The following RFTN1 variants were observed in gnomAD, a reference collection of about 807,000 sequenced individuals.
RFTN1 encodes the protein raftlin, lipid raft linker 1.
In RFTN1, 26 loss-of-function variants were observed where a neutral mutation model predicts 46.5. The ratio of observed to expected loss-of-function variants is 0.56; its 90% CI spans 0.41 to 0.78. The LOEUF is 0.78. Ranked by LOEUF, RFTN1 falls within the 30% of genes least tolerant of loss-of-function variation. The pLI, the probability that RFTN1 is intolerant of heterozygous loss-of-function variation, is 0.00. For missense variants in RFTN1, 693 were observed against 718.7 expected (o/e 0.96, Z 0.41); for synonymous variants, 261 against 284.2 (o/e 0.92, Z 0.82).
In RFTN1 at chr3:16,507,590, G is replaced by C. The variant is rs973188862; in HGVS notation, c.-9+5852C>G. Among the ~76,000 whole-genome samples the C allele has an allele frequency of 5.0e-5, 7 of 141,064 alleles. No homozygotes were observed. The highest frequency in any genetic ancestry group is 1.1e-4 in the Non-Finnish European group (7 of 66,584). 92.5% of individuals were successfully genotyped at this position (141,064 alleles called of 152,430 possible). A position where few individuals can be genotyped will look rare whatever the true frequency, so the allele number is the denominator to read the frequency against. ...GACAAAGGGTAAAAGGCAAAGTAGG[G>C]AGTTTCAAAACACACACACACACAC... On this transcript the variant is annotated intron_variant, in intron 1 of 9. Transcript: ENST00000334133. This position sits in a 1 kb window ranked among gnomAD's most constrained non-coding sequence, Gnocchi z 7.1.
rs550701408 is a variant in RFTN1 at position 16,368,117 on chromosome 3, G to C, written c.1030+1959C>G. Among the ~76,000 whole-genome samples, 14 of 151,116 alleles carry C rather than the reference G, an allele frequency of 9.3e-5. No individual in the cohort carries two copies. The South Asian group carries it at 2.4e-3, about 25-fold the overall frequency. ...GCCACAACCCAAGATGGGCAATGTGGTGTCCCTGCAGGAAACAGGGAGCCA... is the reference window on the plus strand; with the variant it reads ...GCCACAACCCAAGATGGGCAATGTGCTGTCCCTGCAGGAAACAGGGAGCCA... On this transcript the variant is annotated intron_variant, in intron 6 of 9. Transcript: ENST00000334133.
chr3:16,357,157 A>C (rs9848805), intron 7 of RFTN1, among the ~76,000 whole-genome samples: 29 of 147,224 alleles, frequency 2.0e-4, no homozygotes, highest in African/African-American at 4.8e-4. Context: ...AACAAACAAA[A>C]AAAACCAAGA....
At position 16,321,171 on chromosome 3, in the gene RFTN1, G is replaced by A. The variant is rs1219807821; in HGVS notation, c.1332+2205C>T. Among the ~76,000 whole-genome samples the A allele has an allele frequency of 6.6e-6, 1 of 152,186 alleles. No individual in the cohort carries two copies. The highest frequency in any genetic ancestry group is 2.4e-5 in the African/African-American group (1 of 41,434). On this transcript the variant is annotated intron_variant, in intron 9 of 9. Coordinates refer to ENST00000334133, the MANE Select transcript of RFTN1 (RefSeq NM_015150.2). The surrounding 1 kb of genome is among the most constrained non-coding windows in gnomAD (Gnocchi z 4.8). ...GTTGGCCAGGTGGGCGAGGTATGGG[G>A]AGGGGGACAGTCATAGGTTTCCTCG... is the stretch of plus-strand genomic sequence containing the variant.
intron 4 of RFTN1, among the ~76,000 whole-genome samples, chr3:16,399,562 T>C (rs369954177): frequency 1.2e-4 from 19 of 152,312 alleles, no homozygotes; most frequent in African/African-American, 4.3e-4. Context: ...CACACTGACC[T>C]CTCTGGCTAC....
At chr3:16,493,697 C>A in intron 2 of RFTN1, 28 bp downstream of exon 2, 1 of 1,603,244 alleles carries the variant, frequency 6.2e-7, no homozygotes, top group Middle Eastern at 1.7e-4. Context: ...CCCACCTGCC[C>A]CCATCCATTC....
At chr3:16,360,321 G>T (rs1443520207) in intron 6 of RFTN1, among the ~76,000 whole-genome samples, 1 of 152,056 alleles carries the variant, frequency 6.6e-6, no homozygotes, top group Admixed American at 6.5e-5. Flanking sequence ...ACAGGCACAT[G>T]CCACCACCCC....
rs148612893 is a variant in RFTN1 at position 16,320,994 on chromosome 3, G to A, written c.1332+2382C>T. ...ATTAGGAGATTAGAATAGCTGAGGC[G>A]AGTGATGGTAGAGAGAAGTGGAGGG... is the stretch of plus-strand genomic sequence containing the variant. On this transcript the variant is annotated intron_variant, in intron 9 of 9. Coordinates refer to ENST00000334133, the MANE Select transcript of RFTN1 (RefSeq NM_015150.2). The surrounding 1 kb of genome is among the most constrained non-coding windows in gnomAD (Gnocchi z 4.5). Among the ~76,000 whole-genome samples the A allele has an allele frequency of 2.4e-4, 36 of 152,348 alleles. 1 individual carries two copies. In the South Asian group the frequency reaches 2.7e-3, roughly 11 times the overall value.
chr3:16,353,818 G>C lies in RFTN1; in HGVS notation c.1146+4114C>G, dbSNP rs527692965. On this transcript the variant is annotated intron_variant, in intron 7 of 9. Coordinates refer to ENST00000334133, the MANE Select transcript of RFTN1 (RefSeq NM_015150.2). The surrounding 1 kb of genome is among the most constrained non-coding windows in gnomAD (Gnocchi z 5.4). ...GAGAAGGAAGCCATCTGCAAGCCAG[G>C]AAGAGAGCCCTCACCAGAAACCAAA... Among the ~76,000 whole-genome samples, 1 of 152,296 alleles carries C rather than the reference G, an allele frequency of 6.6e-6. No homozygotes were observed. The highest frequency in any genetic ancestry group is 2.4e-5 in the African/African-American group (1 of 41,556).
chr3:16,396,295 A>C (rs1279390046), intron 4 of RFTN1, among the ~76,000 whole-genome samples: 1 of 152,188 alleles, frequency 6.6e-6, no homozygotes, highest in Non-Finnish European at 1.5e-5. Flanking sequence ...GAATTAAAAA[A>C]AATTTTTTTT....
intron 3 of RFTN1, among the ~76,000 whole-genome samples, chr3:16,431,770 A>C (rs2075393302): frequency 6.6e-6 from 1 of 152,228 alleles, no homozygotes; most frequent in African/African-American, 2.4e-5. Context: ...CTGAGGGGTA[A>C]AATGGGGGAA....
rs2075988298 is a variant in RFTN1, at chr3:16,460,443, T to C, written c.146-26406A>G. On this transcript the variant is annotated intron_variant, in intron 2 of 9. Coordinates refer to ENST00000334133, the MANE Select transcript of RFTN1 (RefSeq NM_015150.2). This position sits in a 1 kb window ranked among gnomAD's most constrained non-coding sequence, Gnocchi z 4.8. ...ACATTTCATTTGAATTTCCGGAGCC[T>C]GGTTTTATCTTAACAGCCCTCATAC... 6.6e-6 allele frequency among the ~76,000 whole-genome samples: 1 copy of C among 152,170 alleles called. No homozygotes were observed. The highest frequency in any genetic ancestry group is 2.4e-5 in the African/African-American group (1 of 41,428).
chr3:16,379,444 G>A (rs574424418), intron 4 of RFTN1, among the ~76,000 whole-genome samples: 3 of 152,298 alleles, frequency 2.0e-5, no homozygotes, highest in East Asian at 1.9e-4. Flanking sequence ...ACAACAAAAC[G>A]TTTCATCCTT....
rs1466720006 is a variant in RFTN1, at chr3:16,446,265, A to G, written c.146-12228T>C. On this transcript the variant is annotated intron_variant, in intron 2 of 9. Transcript: ENST00000334133. The surrounding 1 kb of genome is among the most constrained non-coding windows in gnomAD (Gnocchi z 4.5). Reference sequence around the variant, plus strand: ...GTCCTGGAAAAGAGTCAGCCAGTGTAAAGCTCAGAGGAAACCTAGAAACCT... The same window carrying G: ...GTCCTGGAAAAGAGTCAGCCAGTGTGAAGCTCAGAGGAAACCTAGAAACCT... Among the ~76,000 whole-genome samples, 1 of 151,812 alleles carries G rather than the reference A, an allele frequency of 6.6e-6. No homozygotes were observed. The highest frequency in any genetic ancestry group is 1.5e-5 in the Non-Finnish European group (1 of 68,006).
intron 7 of RFTN1, among the ~76,000 whole-genome samples, chr3:16,350,976 G>C (rs1348385140): frequency 4.6e-5 from 7 of 152,214 alleles, no homozygotes; most frequent in Non-Finnish European, 1.0e-4. Flanking sequence ...TTCTTAAAGA[G>C]ATGGTTGGGA....
chr3:16,358,149 C>T (rs1372339435), intron 6 of RFTN1, 102 bp from the exon 7 acceptor site: 6 of 688,564 alleles, frequency 8.7e-6, no homozygotes, highest in African/African-American at 3.5e-5. Flanking sequence ...TTAATAATCC[C>T]AATCAGAACA....
At position 16,348,738 on chromosome 3, in the gene RFTN1, A is replaced by C. The variant is rs184770217; in HGVS notation, c.1146+9194T>G. Among the ~76,000 whole-genome samples, 3 of 152,216 alleles carry C rather than the reference A, an allele frequency of 2.0e-5. No homozygotes were observed. The highest frequency in any genetic ancestry group is 3.9e-4 in the East Asian group (2 of 5,186). ...CAGTTCCCTGAGGGTTCTGTTATGG[A>C]ACCCCTAATCACCATCTCAAGTGGT... is the stretch of plus-strand genomic sequence containing the variant. On this transcript the variant is annotated intron_variant, in intron 7 of 9. Coordinates refer to ENST00000334133, the MANE Select transcript of RFTN1 (RefSeq NM_015150.2). This position sits in a 1 kb window ranked among gnomAD's most constrained non-coding sequence, Gnocchi z 6.3.
intron 4 of RFTN1, among the ~76,000 whole-genome samples, chr3:16,396,803 C>A (rs1289553516): frequency 6.6e-6 from 1 of 152,154 alleles, no homozygotes; most frequent in Non-Finnish European, 1.5e-5. Context: ...TGGCTCACAC[C>A]TGTAATCCCA....
At chr3:16,378,178 G>T in intron 4 of RFTN1, 76 bp from the exon 5 acceptor site, 1 of 1,295,268 alleles carries the variant, frequency 7.7e-7, no homozygotes, top group Non-Finnish European at 1.1e-6. Context: ...CGTGCAAAGC[G>T]CCTCCCCGAG....
intron 7 of RFTN1, among the ~76,000 whole-genome samples, chr3:16,340,389 C>T (rs1179161232): frequency 6.6e-6 from 1 of 152,262 alleles, no homozygotes; most frequent in Non-Finnish European, 1.5e-5. Flanking sequence ...AGGCTCTGTT[C>T]TAGCCAACTG....
Sources: allele counts gnomAD v4.1 joint callset (sites outside exome capture counted in the v4.1 genomes callset), GRCh38; gene constraint gnomAD v4.1.1; non-coding constraint Gnocchi (gnomAD v3.1); transcripts MANE v1.5; gene names NCBI Gene and HGNC (gene_info 2026-07-23, HGNC 2026-07-21).